The following RNF144A variants were observed in gnomAD, a reference collection of about 807,000 sequenced individuals.
RNF144A encodes the protein ring finger protein 144A.
Under a neutral mutation model 38.7 loss-of-function variants are expected in RNF144A, and 11 were observed. The ratio of observed to expected loss-of-function variants is 0.28; its 90% confidence interval spans 0.18 to 0.47. The LOEUF (loss-of-function observed/expected upper bound fraction) is 0.47, where lower values mean the gene tolerates loss of function less well. Among genes scored for constraint, RNF144A ranks in the 20% least tolerant of loss-of-function variants. RNF144A has a pLI of 0.99. For synonymous variants in RNF144A, 149 were observed against 143.9 expected, an observed-to-expected ratio of 1.04 and a Z score of -0.25; for missense variants, 316 against 377.2, an observed-to-expected ratio of 0.84 and a Z score of 1.34.
At chr2:7,069,055 A>G (rs139854457), downstream of RNF144A, among the ~76,000 whole-genome samples, 624 of 152,336 alleles carry the variant, frequency 4.1e-3, 6 homozygotes, top group African/African-American at 0.014. Context: ...CCCTAAGTCA[A>G]TAGTAGCCCA....
chr2:6,980,959 G>GT (rs1668593210), intron 2 of RNF144A, among the ~76,000 whole-genome samples: 1 of 152,230 alleles, frequency 6.6e-6, no homozygotes, highest in Non-Finnish European at 1.5e-5. Flanking sequence ...CACGTGGAAG[G>GT]TGCCAAGGCT....
At chr2:7,002,854 G>A (rs564006964) in intron 3 of RNF144A, among the ~76,000 whole-genome samples, 6 of 152,274 alleles carry the variant, frequency 3.9e-5, no homozygotes, top group African/African-American at 1.4e-4. Context: ...CATATGAGAT[G>A]ACAGCTCCAT....
At chr2:7,002,980 T>C (rs1670207468) in intron 3 of RNF144A, among the ~76,000 whole-genome samples, 1 of 151,662 alleles carries the variant, frequency 6.6e-6, no homozygotes, top group Non-Finnish European at 1.5e-5. Context: ...TCTTAGTTTT[T>C]AACAAAAAAA....
chr2:6,978,323 C>A (rs777879045), intron 2 of RNF144A, among the ~76,000 whole-genome samples: 2 of 152,194 alleles, frequency 1.3e-5, no homozygotes, highest in African/African-American at 4.8e-5. Flanking sequence ...GACTTGTACT[C>A]TCTTAACAGC....
intron 1 of RNF144A, among the ~76,000 whole-genome samples, chr2:6,939,348 A>G (rs1033664267): frequency 1.3e-5 from 2 of 152,080 alleles, no homozygotes; most frequent in Non-Finnish European, 2.9e-5. Context: ...ATGTAGAGCA[A>G]TTTTTCTTGT....
downstream of RNF144A, among the ~76,000 whole-genome samples, chr2:7,048,963 C>T (rs1434487370): frequency 1.3e-5 from 2 of 152,156 alleles, no homozygotes; most frequent in Non-Finnish European, 2.9e-5. Context: ...AGATGCAAAG[C>T]CTCCTAGTCC....
At position 6,917,973 on chromosome 2, in the gene RNF144A, C is replaced by T. The variant is rs952023819; in HGVS notation, c.-212+351C>T. Among the ~76,000 whole-genome samples the T allele has an allele frequency of 1.3e-5, 2 of 151,548 alleles. No homozygotes were observed. Among genetic ancestry groups the T allele is most frequent in the African/African-American group, 2.4e-5 (1 of 41,326 alleles). On this transcript the variant is annotated intron_variant, in intron 1 of 8. Transcript: ENST00000320892. The surrounding 1 kb of genome is among the most constrained non-coding windows in gnomAD (Gnocchi z 4.8). ...CCTGCCCTGCGCGGTCGCGGGTCTG[C>T]GCTGCGGCGCGGGACAGGGCGCCCC...
intron 6 of RNF144A, among the ~76,000 whole-genome samples, chr2:7,021,456 G>A (rs1671527583): frequency 6.6e-6 from 1 of 151,988 alleles, no homozygotes; most frequent in Admixed American, 6.6e-5. Context: ...TCTAGCCCCC[G>A]ACCCTCTCAG....
chr2:7,014,389 A>G (rs1425932944), intron 3 of RNF144A, 65 bp from the exon 4 acceptor site: 24 of 1,073,954 alleles, frequency 2.2e-5, no homozygotes, highest in Non-Finnish European at 3.2e-5. Flanking sequence ...TTTTTAATGC[A>G]TCATGGTTTC....
downstream of RNF144A, among the ~76,000 whole-genome samples, chr2:7,045,202 A>C (rs954247513): frequency 6.6e-6 from 1 of 152,204 alleles, no homozygotes; most frequent in Non-Finnish European, 1.5e-5. Flanking sequence ...GAGTTACTCA[A>C]ATGTCTGACC....
chr2:6,924,382 G>A (rs1477320203), intron 1 of RNF144A, among the ~76,000 whole-genome samples: 1 of 152,254 alleles, frequency 6.6e-6, no homozygotes. Context: ...TGCATAATGT[G>A]GAATGGTTAG....
chr2:6,996,932 C>T lies in RNF144A; in HGVS notation c.6C>T (p.Thr2=), dbSNP rs1432385390. Reference sequence around the variant, plus strand: ...TCGTTTCAGACTGTTCTGCGATGACCACAACAAGGTACCGGCCCACCTGGG... The same window carrying T: ...TCGTTTCAGACTGTTCTGCGATGACTACAACAAGGTACCGGCCCACCTGGG... M[T]TTRYRPTWDL... is the part of the protein sequence containing the mutation. Residue 2 remains threonine, a synonymous_variant, in exon 3 of 9, where the codon ACC becomes ACT. Transcript: ENST00000320892. 1.2e-6 allele frequency: 2 copies of T among 1,613,692 alleles called. No homozygotes were observed. Among genetic ancestry groups the T allele is most frequent in the Non-Finnish European group, 8.5e-7 (1 of 1,179,850 alleles).
intron 2 of RNF144A, among the ~76,000 whole-genome samples, chr2:6,965,522 T>C (rs556236219): frequency 6.6e-6 from 1 of 152,306 alleles, no homozygotes; most frequent in African/African-American, 2.4e-5. Flanking sequence ...GAAGCTTTTC[T>C]AAGCCTGAGG....
intron 1 of RNF144A, among the ~76,000 whole-genome samples, chr2:6,940,205 G>A (rs1337872339): frequency 3.3e-5 from 5 of 152,080 alleles, no homozygotes; most frequent in Non-Finnish European, 5.9e-5. Flanking sequence ...TTCCATCCAC[G>A]AACATGGGAT....
At chr2:6,964,952 A>G (rs1667565452) in intron 2 of RNF144A, among the ~76,000 whole-genome samples, 1 of 152,150 alleles carries the variant, frequency 6.6e-6, no homozygotes, top group African/African-American at 2.4e-5. Context: ...CATGTACCCT[A>G]AAACTTAAAG....
At chr2:6,996,471 A>G (rs1365988042) in intron 2 of RNF144A, among the ~76,000 whole-genome samples, 1 of 152,156 alleles carries the variant, frequency 6.6e-6, no homozygotes, top group African/African-American at 2.4e-5. Flanking sequence ...AGCCACTCAC[A>G]GACCCCAGGC....
intron 3 of RNF144A, among the ~76,000 whole-genome samples, chr2:7,005,463 T>C (rs1670376517): frequency 6.6e-6 from 1 of 152,172 alleles, no homozygotes; most frequent in Admixed American, 6.5e-5. Flanking sequence ...GAAGGCTGAC[T>C]TGGAGGGTGG....
chr2:6,949,800 G>C (rs1666563600), intron 2 of RNF144A, among the ~76,000 whole-genome samples: 1 of 151,950 alleles, frequency 6.6e-6, no homozygotes, highest in Non-Finnish European at 1.5e-5. Context: ...GTTCTCTAAG[G>C]AATTACTTAA....
chr2:7,035,151 T>G (rs976263043), intron 8 of RNF144A, among the ~76,000 whole-genome samples: 3 of 152,212 alleles, frequency 2.0e-5, no homozygotes, highest in Non-Finnish European at 4.4e-5. Flanking sequence ...TCTCCACTCC[T>G]GTGTCTCTCT....
Sources: gnomAD v4.1 joint callset for allele counts (sites outside exome capture counted in the v4.1 genomes callset) on GRCh38, gnomAD v4.1.1 for gene constraint, Gnocchi (gnomAD v3.1) non-coding constraint, MANE v1.5 for transcripts, NCBI Gene and HGNC (gene_info 2026-07-23, HGNC 2026-07-21) for gene names.